SCAI: variants seen among roughly 807,000 people sequenced by gnomAD.
SCAI encodes the protein protein SCAI.
Under a neutral mutation model 92.2 loss-of-function variants are expected in SCAI, and 24 were observed. The ratio of observed to expected loss-of-function variants is 0.26; its 90% CI spans 0.19 to 0.37. The LOEUF (loss-of-function observed/expected upper bound fraction) is 0.37. Among genes scored for constraint, SCAI ranks in the 10% least tolerant of loss-of-function variants. The probability of loss-of-function intolerance (pLI) is 1.00; values close to 1 mark genes in which losing one functional copy is unlikely to be tolerated. For synonymous variants in SCAI, 261 were observed against 258.6 expected (o/e 1.01, Z -0.09); for missense variants, 450 against 736.2 (o/e 0.61, Z 4.50).
chr9:125,091,913 C>A lies in SCAI; in HGVS notation c.99-35906G>T, dbSNP rs1239056903. On this transcript the variant is annotated intron_variant, in intron 2 of 17. Coordinates refer to ENST00000336505, the MANE Select transcript of SCAI (RefSeq NM_001144877.3). The surrounding 1 kb of genome is among the most constrained non-coding windows in gnomAD (Gnocchi z 4.3). The stretch of plus-strand genomic sequence containing the variant: ...GATCACGAGGTCAGGAGATCGAGAC[C>A]ATCCTGGCTAACACGATGAAACCCC... 2.0e-5 allele frequency among the ~76,000 whole-genome samples: 3 copies of A among 151,958 alleles called. No individual in the cohort carries two copies. The highest frequency in any genetic ancestry group is 4.4e-5 in the Non-Finnish European group (3 of 67,990).
intron 3 of SCAI, among the ~76,000 whole-genome samples, chr9:125,030,093 G>GA (rs1423652212): frequency 6.6e-6 from 1 of 152,158 alleles, no homozygotes; most frequent in African/African-American, 2.4e-5. Flanking sequence ...CTGAATGTTT[G>GA]AAAAACACTG....
intron 2 of SCAI, among the ~76,000 whole-genome samples, chr9:125,058,564 T>C (rs951228839): frequency 1.1e-4 from 16 of 152,274 alleles, no homozygotes; most frequent in African/African-American, 3.6e-4. Flanking sequence ...TCTGAAGACA[T>C]GGACATACAT....
intron 2 of SCAI, among the ~76,000 whole-genome samples, chr9:125,106,032 G>T (rs1382668318): frequency 7.1e-6 from 1 of 140,606 alleles, no homozygotes; most frequent in African/African-American, 2.7e-5. Flanking sequence ...AGCAAGCGGA[G>T]GTTGCAGTGA....
At chr9:125,038,179 C>A (rs747623895) in intron 3 of SCAI, among the ~76,000 whole-genome samples, 14 of 152,032 alleles carry the variant, frequency 9.2e-5, no homozygotes, top group Non-Finnish European at 1.9e-4. Flanking sequence ...ATCAATTGAG[C>A]CCAGGAGGTC....
chr9:125,037,689 C>T (rs1459149857), intron 3 of SCAI, among the ~76,000 whole-genome samples: 1 of 151,986 alleles, frequency 6.6e-6, no homozygotes, highest in Non-Finnish European at 1.5e-5. Flanking sequence ...CCAAGGCGGG[C>T]GGATCATTTG....
intron 9 of SCAI, among the ~76,000 whole-genome samples, chr9:125,005,827 C>G (rs1471089863): frequency 6.6e-6 from 1 of 152,122 alleles, no homozygotes; most frequent in African/African-American, 2.4e-5. Flanking sequence ...GAGGAGAACA[C>G]TAGAAACAAA....
intron 9 of SCAI, among the ~76,000 whole-genome samples, chr9:125,011,226 A>G (rs1588150397): frequency 6.6e-6 from 1 of 152,242 alleles, no homozygotes; most frequent in Non-Finnish European, 1.5e-5. Flanking sequence ...CAGACGATCA[A>G]ACTACTCCAA....
At chr9:124,981,407 T>C (rs539722799) in intron 14 of SCAI, among the ~76,000 whole-genome samples, 1 of 152,372 alleles carries the variant, frequency 6.6e-6, no homozygotes, top group South Asian at 2.1e-4. Context: ...TATGAATTTC[T>C]AGTTGGGACA....
chr9:125,049,313 C>T (rs1318963769), intron 3 of SCAI, among the ~76,000 whole-genome samples: 4 of 152,166 alleles, frequency 2.6e-5, no homozygotes, highest in African/African-American at 9.7e-5. Context: ...AGGGATATCA[C>T]TGATAGACAC....
intron 2 of SCAI, among the ~76,000 whole-genome samples, chr9:125,109,266 T>C (rs1185683908): frequency 2.0e-5 from 3 of 152,050 alleles, no homozygotes; most frequent in Admixed American, 6.5e-5. Context: ...AGACCTTTGT[T>C]CACTTGTTTA....
At chr9:125,054,523 T>A (rs80030073) in intron 3 of SCAI, among the ~76,000 whole-genome samples, 1 of 149,378 alleles carries the variant, frequency 6.7e-6, no homozygotes, top group Non-Finnish European at 1.5e-5. Flanking sequence ...AGAAAAAAAA[T>A]ATACCTGGAA....
intron 17 of SCAI, among the ~76,000 whole-genome samples, chr9:124,960,736 G>C (rs1831420086): frequency 6.6e-6 from 1 of 152,162 alleles, no homozygotes. Flanking sequence ...AATTGACAAA[G>C]GTTTAGGTTA....
At chr9:125,042,231 C>G (rs982251518) in intron 3 of SCAI, among the ~76,000 whole-genome samples, 5 of 152,146 alleles carry the variant, frequency 3.3e-5, no homozygotes, top group Non-Finnish European at 7.3e-5. Context: ...TGACACTAAT[C>G]TCTCTTTATT....
intron 2 of SCAI, among the ~76,000 whole-genome samples, chr9:125,073,014 A>C (rs986588595): frequency 1.3e-5 from 2 of 151,550 alleles, no homozygotes; most frequent in African/African-American, 4.9e-5. Context: ...CAAATATCTC[A>C]TCAAGAACCT....
intron 9 of SCAI, among the ~76,000 whole-genome samples, chr9:125,004,760 TATATATATATATATATATA>T (rs1172697092): frequency 0.017 from 168 of 9,834 alleles, no homozygotes; most frequent in African/African-American, 0.025. Flanking sequence ...TATATATATA[TATATATATATATATATATA>T]TTTTTTTTTT....
At chr9:125,013,479 G>C (rs1365228357) in intron 9 of SCAI, among the ~76,000 whole-genome samples, 1 of 152,194 alleles carries the variant, frequency 6.6e-6, no homozygotes, top group Non-Finnish European at 1.5e-5. Flanking sequence ...GACTAAACCA[G>C]GAAGAAGTTG....
At chr9:125,118,721 C>T (rs1835101284) in intron 2 of SCAI, among the ~76,000 whole-genome samples, 1 of 152,062 alleles carries the variant, frequency 6.6e-6, no homozygotes, top group African/African-American at 2.4e-5. Context: ...CCCCACATGG[C>T]CTCGATGAGT....
At chr9:125,041,296 A>C (rs1434089371) in intron 3 of SCAI, among the ~76,000 whole-genome samples, 4 of 152,192 alleles carry the variant, frequency 2.6e-5, no homozygotes, top group African/African-American at 9.7e-5. Flanking sequence ...GAGAGGTTAC[A>C]TCAGGAAGAC....
At chr9:124,953,400 G>A (rs1588112415) in intron 17 of SCAI, among the ~76,000 whole-genome samples, 1 of 151,930 alleles carries the variant, frequency 6.6e-6, no homozygotes, top group Non-Finnish European at 1.5e-5. Flanking sequence ...AGGCCGAAGC[G>A]GGCAGATCAT....
Sources: allele counts gnomAD v4.1 joint callset (sites outside exome capture counted in the v4.1 genomes callset), GRCh38; gene constraint gnomAD v4.1.1; non-coding constraint Gnocchi (gnomAD v3.1); transcripts MANE v1.5; gene names NCBI Gene and HGNC (gene_info 2026-07-23, HGNC 2026-07-21).